MTRF1: variants seen among roughly 807,000 people sequenced by gnomAD.
MTRF1 encodes mitochondrial translation release factor 1, also known as peptide chain release factor 1, mitochondrial.
A neutral mutation model predicts 62.9 loss-of-function variants in MTRF1; 51 were observed. That is an observed-to-expected ratio of 0.81 (90% CI 0.65 to 1.02). MTRF1 has a LOEUF of 1.02. Among genes scored for constraint, MTRF1 ranks in the 50% least tolerant of loss-of-function variants. The probability of loss-of-function intolerance (pLI) is 0.00; values close to 1 mark genes in which losing one functional copy is unlikely to be tolerated. For synonymous variants in MTRF1, 158 were observed against 181.9 expected (o/e 0.87, Z 1.06); for missense variants, 446 against 530.0 (o/e 0.84, Z 1.56).
At chr13:41,221,087 T>C (rs116529586) in intron 9 of MTRF1, among the ~76,000 whole-genome samples, 2,071 of 152,212 alleles carry the variant, frequency 0.014, 48 homozygotes, top group African/African-American at 0.047. Context: ...CCAACAGCTG[T>C]TGCCCTGGGG....
upstream of MTRF1, among the ~76,000 whole-genome samples, chr13:41,264,614 A>G (rs1482460084): frequency 6.6e-6 from 1 of 152,264 alleles, no homozygotes; most frequent in Non-Finnish European, 1.5e-5. Flanking sequence ...TTTATAGCCA[A>G]CTTCAAGGTA....
At chr13:41,269,185 GTTTTTTTTTTTTGGTTTT>G in the MTRF1 span, among the ~76,000 whole-genome samples, 1 of 96,464 alleles carries the variant, frequency 1.0e-5, no homozygotes, top group Non-Finnish European at 1.9e-5. Context: ...CTTTTACCTT[GTTTTTTTTTTTTGGTTTT>G]TTTTTTTTTT....
At chr13:41,284,687 C>T in the MTRF1 span, among the ~76,000 whole-genome samples, 4 of 151,606 alleles carry the variant, frequency 2.6e-5, no homozygotes, top group Admixed American at 1.3e-4. Flanking sequence ...AGTGCAGTGG[C>T]GTGATATCGA....
At chr13:41,222,943 G>C (rs1234183557) in intron 9 of MTRF1, among the ~76,000 whole-genome samples, 1 of 152,048 alleles carries the variant, frequency 6.6e-6, no homozygotes, top group East Asian at 1.9e-4. Context: ...CTATATTCGT[G>C]GTAATTTGTT....
intron 9 of MTRF1, among the ~76,000 whole-genome samples, chr13:41,218,042 G>T (rs1247327535): frequency 6.6e-6 from 1 of 152,126 alleles, no homozygotes; most frequent in African/African-American, 2.4e-5. Context: ...AGGAAATGGT[G>T]GGGGGAAAGA....
chr13:41,259,143 T>A (rs576851421), intron 2 of MTRF1, among the ~76,000 whole-genome samples: 18 of 152,184 alleles, frequency 1.2e-4, no homozygotes, highest in Non-Finnish European at 2.6e-4. Context: ...TGGAGAAATA[T>A]GAACCCTCAT....
chr13:41,226,089 GTT>G (rs1390897701), intron 8 of MTRF1, among the ~76,000 whole-genome samples: 1 of 152,048 alleles, frequency 6.6e-6, no homozygotes, highest in East Asian at 1.9e-4. Context: ...ACAAGCATAG[GTT>G]TTAATTTTTA....
At chr13:41,302,048 A>G in the MTRF1 span, among the ~76,000 whole-genome samples, 1 of 151,908 alleles carries the variant, frequency 6.6e-6, no homozygotes, top group Non-Finnish European at 1.5e-5. Context: ...TATTTTTGAG[A>G]TGGAGTCTCC....
the MTRF1 span, among the ~76,000 whole-genome samples, chr13:41,273,048 T>C: frequency 9.7e-3 from 1,480 of 152,136 alleles, 18 homozygotes; most frequent in African/African-American, 0.025. Flanking sequence ...CATCTATGGC[T>C]GGGCATGGTG....
chr13:41,273,568 G>C, the MTRF1 span, among the ~76,000 whole-genome samples: 2 of 151,988 alleles, frequency 1.3e-5, no homozygotes, highest in Admixed American at 1.3e-4. Context: ...ACTTATGTAA[G>C]ATGAGCTGGG....
At chr13:41,311,332 G>A in the MTRF1 span, 1 of 597,378 alleles carries the variant, frequency 1.7e-6, no homozygotes, top group Non-Finnish European at 2.9e-6. Flanking sequence ...AGCGTGTCCT[G>A]CTCAGACCGC....
At chr13:41,270,367 TTTC>T in the MTRF1 span, among the ~76,000 whole-genome samples, 62 of 152,202 alleles carry the variant, frequency 4.1e-4, 2 homozygotes. Context: ...ATATTTTTAT[TTTC>T]TTCAGTTAAT....
At chr13:41,251,960 A>G (rs934084951) in intron 5 of MTRF1, among the ~76,000 whole-genome samples, 1 of 151,632 alleles carries the variant, frequency 6.6e-6, no homozygotes, top group Non-Finnish European at 1.5e-5. Flanking sequence ...GCTCACTGCA[A>G]CCTCCCCATC....
chr13:41,259,816 G>A (rs1173890437), intron 2 of MTRF1, among the ~76,000 whole-genome samples: 2 of 152,056 alleles, frequency 1.3e-5, no homozygotes, highest in African/African-American at 4.8e-5. Context: ...TGGTTTGAGT[G>A]CCCTCTCCTC....
the MTRF1 span, among the ~76,000 whole-genome samples, chr13:41,273,316 A>C: frequency 6.1e-4 from 87 of 143,012 alleles, 1 homozygote; most frequent in East Asian, 3.5e-3. Context: ...ACAGAGCGAG[A>C]CTCCGTCTCA....
At chr13:41,250,128 A>C (rs1185337789) in intron 5 of MTRF1, among the ~76,000 whole-genome samples, 1 of 152,164 alleles carries the variant, frequency 6.6e-6, no homozygotes, top group Non-Finnish European at 1.5e-5. Flanking sequence ...TATTCTTGAA[A>C]GTCTCATTCG....
At chr13:41,234,892 G>C (rs2036211369) in intron 6 of MTRF1, among the ~76,000 whole-genome samples, 2 of 152,098 alleles carry the variant, frequency 1.3e-5, no homozygotes, top group South Asian at 2.1e-4. Context: ...TCTGGTTCTG[G>C]GGCCAATTTG....
chr13:41,239,044 A>C (rs1255921865), intron 6 of MTRF1, among the ~76,000 whole-genome samples: 1 of 152,044 alleles, frequency 6.6e-6, no homozygotes, highest in Non-Finnish European at 1.5e-5. Flanking sequence ...AGACTGTTCT[A>C]AACTTAAAGA....
At chr13:41,254,898 AATCT>A in intron 2 of MTRF1, among the ~76,000 whole-genome samples, 1 of 152,268 alleles carries the variant, frequency 6.6e-6, no homozygotes, top group South Asian at 2.1e-4. Context: ...ATCTCTAATC[AATCT>A]ATTAACAGTA....
Sources: allele counts gnomAD v4.1 joint callset (sites outside exome capture counted in the v4.1 genomes callset), GRCh38; gene constraint gnomAD v4.1.1; transcripts MANE v1.5; gene names NCBI Gene and HGNC (gene_info 2026-07-23, HGNC 2026-07-21).